DGKA: variants seen among roughly 807,000 people sequenced by gnomAD.
DGKA encodes diacylglycerol kinase alpha, also known as 80 kDa diacylglycerol kinase.
DGKA carries 35 observed loss-of-function variants against 105.0 expected under a neutral mutation model. The ratio of observed to expected loss-of-function variants is 0.33; its 90% CI spans 0.25 to 0.44. DGKA has a LOEUF of 0.44. Among genes scored for constraint, DGKA ranks in the 20% least tolerant of loss-of-function variants. The pLI is 1.00. For missense variants in DGKA, 665 were observed against 915.0 expected (o/e 0.73, Z 3.53); for synonymous variants, 296 against 332.0 (o/e 0.89, Z 1.18).
At chr12:55,929,887 C>T (rs555988849), upstream of DGKA, among the ~76,000 whole-genome samples, 1 of 152,248 alleles carries the variant, frequency 6.6e-6, no homozygotes, top group African/African-American at 2.4e-5. Context: ...CTTTGAAGTA[C>T]CAAAAACTAT....
rs2136419335 is a variant in DGKA at position 55,952,596 on chromosome 12, T to C, written c.1744-138T>C. ...CAAGTCCTCAAGATACACTAGTCCC[T>C]ATTTCCATTCCTTGCACACCTCCAA... On this transcript the variant is annotated intron_variant, in intron 20 of 23. Transcript: ENST00000331886. The surrounding 1 kb of genome is among the most constrained non-coding windows in gnomAD (Gnocchi z 5.1). 1 of 1,216,468 alleles carries C rather than the reference T, an allele frequency of 8.2e-7. No homozygotes were observed. The highest frequency in any genetic ancestry group is 2.4e-5 in the East Asian group (1 of 42,484). 75.4% of individuals were successfully genotyped at this position (1,216,468 alleles called of 1,614,324 possible). A position where few individuals can be genotyped will look rare whatever the true frequency, so the allele number is the denominator to read the frequency against.
rs1231146898 is a variant in DGKA at position 55,948,151 on chromosome 12, C to T, written c.1427-3472C>T. ...ACATGGTGGCTCATGCCTGTAATCC[C>T]AGCACTTTGGGAGGCCAAGGCGGGT... is the stretch of plus-strand genomic sequence containing the variant. On this transcript the variant is annotated intron_variant, in intron 17 of 23. Transcript: ENST00000331886. Among the ~76,000 whole-genome samples the T allele has an allele frequency of 4.0e-5, 6 of 151,740 alleles. No individual in the cohort carries two copies. In the East Asian group the frequency reaches 9.9e-4, roughly 25 times the overall value.
At chr12:55,930,904 T>A (rs1176422001), upstream of DGKA, 1 of 152,182 alleles carries the variant, frequency 6.6e-6, no homozygotes, top group Non-Finnish European at 1.5e-5. Context: ...CTAGAGGGCC[T>A]CATGTATTCA....
At chr12:55,937,204 C>T in intron 3 of DGKA, 114 bp downstream of exon 3, 2 of 1,272,028 alleles carry the variant, frequency 1.6e-6, no homozygotes, top group Non-Finnish European at 2.3e-6. Flanking sequence ...TCTAGAGATA[C>T]CCTAGTGTCC....
intron 15 of DGKA, among the ~76,000 whole-genome samples, chr12:55,941,788 G>A (rs1020657045): frequency 2.0e-5 from 3 of 152,174 alleles, no homozygotes; most frequent in African/African-American, 7.2e-5. Context: ...TGCTCTCAAA[G>A]AATGAAGATC....
upstream of DGKA, chr12:55,930,749 C>G (rs1057090451): frequency 2.0e-5 from 3 of 147,732 alleles, no homozygotes; most frequent in African/African-American, 7.7e-5. Flanking sequence ...CCCTCTTCAA[C>G]CTATGCCCGA....
intron 17 of DGKA, among the ~76,000 whole-genome samples, chr12:55,950,268 C>T (rs890689463): frequency 4.0e-5 from 6 of 150,626 alleles, no homozygotes; most frequent in South Asian, 2.1e-4. Flanking sequence ...CCATCGCGCC[C>T]GGCCTACACC....
chr12:55,952,322 T>C lies in DGKA; in HGVS notation c.1653-19T>C. 2 of 1,613,534 alleles carry C rather than the reference T, an allele frequency of 1.2e-6. No homozygotes were observed. The highest frequency in any genetic ancestry group is 1.7e-6 in the Non-Finnish European group (2 of 1,179,470). On this transcript the variant is annotated intron_variant, in intron 19 of 23. Transcript: ENST00000331886. The surrounding 1 kb of genome is among the most constrained non-coding windows in gnomAD (Gnocchi z 5.1). The stretch of plus-strand genomic sequence containing the variant: ...TAACCTGTCCCTCCCTACTGGGCCT[T>C]GTGTTGGGGCTGACACAGAATGAAG...
upstream of DGKA, chr12:55,927,893 GT>G (rs1883226762): frequency 2.7e-5 from 33 of 1,213,926 alleles, no homozygotes; most frequent in Admixed American, 5.2e-5. Context: ...CTAACCCTGA[GT>G]GCCTCCTCGG....
chr12:55,928,926 T>C (rs1182619482), upstream of DGKA, among the ~76,000 whole-genome samples: 1 of 151,752 alleles, frequency 6.6e-6, no homozygotes, highest in Admixed American at 6.6e-5. Flanking sequence ...GAGGCCCAGG[T>C]GGGCAGATCA....
chr12:55,951,810 G>C (rs765744039), intron 18 of DGKA, 27 bp downstream of exon 18: 2 of 1,607,256 alleles, frequency 1.2e-6, no homozygotes, highest in Non-Finnish European at 1.7e-6. Flanking sequence ...CTGGGGAGAA[G>C]GGAGAAAGGG....
At chr12:55,929,397 G>A (rs976121950), upstream of DGKA, 34 of 152,228 alleles carry the variant, frequency 2.2e-4, no homozygotes, top group African/African-American at 8.2e-4. Context: ...CTGCTCAATA[G>A]ACCTTTGTGC....
chr12:55,931,612 G>A (rs1883623959), intron 1 of DGKA: 1 of 152,714 alleles, frequency 6.5e-6, no homozygotes, highest in African/African-American at 2.4e-5. Context: ...TGTGAAGTCA[G>A]TGGTGGATGG....
intron 17 of DGKA, 55 bp from the exon 18 acceptor site, chr12:55,951,568 A>C: frequency 1.3e-6 from 2 of 1,567,206 alleles, no homozygotes; most frequent in Non-Finnish European, 1.7e-6. Context: ...GGGAGCTGAG[A>C]AGAGGCCTCT....
chr12:55,953,576 T>G, intron 23 of DGKA, 109 bp from the exon 24 acceptor site: 1 of 1,372,152 alleles, frequency 7.3e-7, no homozygotes, highest in Admixed American at 1.8e-5. Flanking sequence ...GTGGCCTCTC[T>G]AGGAACCTAG....
At position 55,941,347 on chromosome 12, in the gene DGKA, C is replaced by T. The variant is rs769321548; in HGVS notation, c.1175+22C>T. 1.9e-6 allele frequency: 3 copies of T among 1,610,314 alleles called. No homozygotes were observed. In the East Asian group the frequency reaches 6.7e-5, roughly 36 times the overall value. On this transcript the variant is annotated intron_variant, in intron 14 of 23. Transcript: ENST00000331886. ...AAAGGTGAGGAGAAATATATTGGGT[C>T]TTCTAAGATGAGAGGCAGGGCCTGC...
chr12:55,945,194 T>C (rs1039817673), intron 17 of DGKA, among the ~76,000 whole-genome samples: 1 of 152,054 alleles, frequency 6.6e-6, no homozygotes, highest in Admixed American at 6.5e-5. Context: ...TTGTGGTGGG[T>C]GGTTAGAAAT....
rs752665440 is a variant in DGKA, at chr12:55,935,959, G to GTT, written c.-81-463_-81-462insTT. On this transcript the variant is annotated intron_variant, in intron 1 of 23. Coordinates refer to ENST00000331886, the MANE Select transcript of DGKA (RefSeq NM_001345.5). Reference sequence around the variant, plus strand: ...ATGGCCAGGAAGACGCGCTAACGCAGTAAGAGTCACTCAGAGGGCCGGAAC... The same window carrying GTT: ...ATGGCCAGGAAGACGCGCTAACGCAGTTTAAGAGTCACTCAGAGGGCCGGAAC... 12 of 988,614 alleles carry GTT rather than the reference G, an allele frequency of 1.2e-5. No homozygotes were observed. The African/African-American group carries it at 1.9e-4, about 16-fold the overall frequency. 61.2% of individuals were successfully genotyped at this position (988,614 alleles called of 1,614,324 possible). A position where few individuals can be genotyped will look rare whatever the true frequency, so the allele number is the denominator to read the frequency against.
At chr12:55,935,972 A>G in intron 1 of DGKA, 1 of 989,072 alleles carries the variant, frequency 1.0e-6, no homozygotes, top group Non-Finnish European at 1.2e-6. Context: ...AGAGTCACTC[A>G]GAGGGCCGGA....
Sources: allele counts gnomAD v4.1 joint callset (sites outside exome capture counted in the v4.1 genomes callset), GRCh38; gene constraint gnomAD v4.1.1; non-coding constraint Gnocchi (gnomAD v3.1); transcripts MANE v1.5; gene names NCBI Gene and HGNC (gene_info 2026-07-23, HGNC 2026-07-21).